The following PRKD1 variants were observed in gnomAD, a reference collection of about 807,000 sequenced individuals.
PRKD1 encodes the protein protein kinase D1.
A neutral mutation model predicts 95.9 loss-of-function variants in PRKD1; 63 were observed. The observed-to-expected ratio is 0.66, with a 90% CI of 0.54 to 0.81. PRKD1 has a LOEUF of 0.81. PRKD1 is among the 30% of genes least tolerant of loss of function. PRKD1 has a pLI of 0.00. For missense variants in PRKD1, 1,048 were observed against 1,165.3 expected (o/e 0.90, Z 1.47); for synonymous variants, 425 against 423.1 (o/e 1.00, Z -0.05).
chr14:29,829,504 C>T (rs1891321626), intron 1 of PRKD1, among the ~76,000 whole-genome samples: 1 of 152,038 alleles, frequency 6.6e-6, no homozygotes, highest in Non-Finnish European at 1.5e-5. Context: ...TGATGATGTG[C>T]TTTTTAAACC....
chr14:29,710,619 T>C (rs1885293290), intron 2 of PRKD1, among the ~76,000 whole-genome samples: 1 of 152,002 alleles, frequency 6.6e-6, no homozygotes, highest in South Asian at 2.1e-4. Flanking sequence ...CAAAATGTAA[T>C]GTGCTAGAGA....
chr14:29,731,471 T>C (rs926839874), intron 1 of PRKD1, among the ~76,000 whole-genome samples: 8 of 152,210 alleles, frequency 5.3e-5, no homozygotes, highest in Non-Finnish European at 7.3e-5. Context: ...TGATAGTTTT[T>C]CAGATTTTCT....
In PRKD1 at chr14:29,847,455, C is replaced by T. The variant is rs188562310; in HGVS notation, c.264+79794G>A. 1.3e-4 allele frequency among the ~76,000 whole-genome samples: 20 copies of T among 152,204 alleles called. No homozygotes were observed. The East Asian group carries it at 3.7e-3, about 28-fold the overall frequency. On this transcript the variant is annotated intron_variant, in intron 1 of 17. Coordinates refer to ENST00000331968, the MANE Select transcript of PRKD1 (RefSeq NM_002742.3). Reference sequence around the variant, plus strand: ...AAGAGTCTAAATTTACTTCCCTGGACATCACAAGCAGGTAGGAAAGGAAAT... The same window carrying T: ...AAGAGTCTAAATTTACTTCCCTGGATATCACAAGCAGGTAGGAAAGGAAAT...
chr14:29,770,518 A>C (rs183190448), intron 1 of PRKD1, among the ~76,000 whole-genome samples: 424 of 152,346 alleles, frequency 2.8e-3, no homozygotes, highest in Admixed American at 8.9e-3. Flanking sequence ...ATTCTGATGA[A>C]ATCTGACAGA....
intron 1 of PRKD1, among the ~76,000 whole-genome samples, chr14:29,737,183 G>C (rs35077117): frequency 6.6e-6 from 1 of 150,582 alleles, no homozygotes; most frequent in East Asian, 2.0e-4. Flanking sequence ...TTAGCCGGGC[G>C]CGGTGGCGGG....
chr14:29,676,177 G>GTTTTTTTTTTT lies in PRKD1; in HGVS notation c.404-9970_404-9969insAAAAAAAAAAA, dbSNP rs147308040. On this transcript the variant is annotated intron_variant, in intron 2 of 17. Coordinates refer to ENST00000331968, the MANE Select transcript of PRKD1 (RefSeq NM_002742.3). ...GCTGTAGGCATGCATAGTTCATTAC[G>GTTTTTTTTTTT]TTTTTGTTTTTTTTTTTTTTTTTTT... 4.7e-3 allele frequency among the ~76,000 whole-genome samples: 487 copies of GTTTTTTTTTTT among 104,504 alleles called. 29 individuals carry two copies. Among genetic ancestry groups the GTTTTTTTTTTT allele is most frequent in the South Asian group, 8.5e-3 (24 of 2,834 alleles). The allele number at this position is 104,504 out of a possible 152,430, so 68.6% of individuals were successfully genotyped here.
intron 1 of PRKD1, among the ~76,000 whole-genome samples, chr14:29,726,487 G>A (rs1329554092): frequency 6.6e-6 from 1 of 152,134 alleles, no homozygotes; most frequent in Non-Finnish European, 1.5e-5. Context: ...CAGGGAAAAA[G>A]AAAATTATCT....
intron 2 of PRKD1, among the ~76,000 whole-genome samples, chr14:29,721,127 C>T (rs1425071619): frequency 6.6e-6 from 1 of 152,178 alleles, no homozygotes; most frequent in Non-Finnish European, 1.5e-5. Flanking sequence ...TTCAGCTCTT[C>T]TGTCATAGCC....
intron 6 of PRKD1, among the ~76,000 whole-genome samples, chr14:29,637,550 T>C: frequency 6.6e-6 from 1 of 152,182 alleles, no homozygotes; most frequent in Non-Finnish European, 1.5e-5. Flanking sequence ...TTAGTTATAG[T>C]TATCCAGTAC....
At chr14:29,828,051 C>T (rs1891266655) in intron 1 of PRKD1, among the ~76,000 whole-genome samples, 1 of 152,102 alleles carries the variant, frequency 6.6e-6, no homozygotes, top group East Asian at 1.9e-4. Flanking sequence ...TCTATGTCTT[C>T]CTCTCACCCA....
chr14:29,663,289 T>C (rs1017689722), intron 4 of PRKD1, among the ~76,000 whole-genome samples: 7 of 151,716 alleles, frequency 4.6e-5, no homozygotes, highest in African/African-American at 1.5e-4. Flanking sequence ...AAGACTTTCA[T>C]GGTTTCACAA....
Position 29,859,432 on chromosome 14 carries a change from A to C in PRKD1, c.264+67817T>G, listed in dbSNP as rs908682358. ...GACCATCCTGGCTAACACGGTGAAA[A>C]CCCATCTCTACTAAAAATACAAAAA... On this transcript the variant is annotated intron_variant, in intron 1 of 17. Coordinates refer to ENST00000331968, the MANE Select transcript of PRKD1 (RefSeq NM_002742.3). Among the ~76,000 whole-genome samples the C allele has an allele frequency of 9.2e-5, 14 of 151,360 alleles. No homozygotes were observed. In the South Asian group the frequency reaches 1.3e-3, roughly 14 times the overall value.
chr14:29,739,714 G>C (rs1886899068), intron 1 of PRKD1, among the ~76,000 whole-genome samples: 2 of 152,058 alleles, frequency 1.3e-5, no homozygotes, highest in Admixed American at 6.5e-5. Flanking sequence ...CTCCTTCCTT[G>C]GGCATATAAA....
intron 1 of PRKD1, among the ~76,000 whole-genome samples, chr14:29,890,802 T>A (rs1337069291): frequency 6.6e-6 from 1 of 152,188 alleles, no homozygotes. Flanking sequence ...TGACACTGCA[T>A]ACCCTTAACA....
intron 1 of PRKD1, among the ~76,000 whole-genome samples, chr14:29,865,379 C>G (rs1325973946): frequency 6.6e-6 from 1 of 152,154 alleles, no homozygotes; most frequent in East Asian, 1.9e-4. Context: ...CTATAAAACC[C>G]ATGTTGAAAC....
intron 1 of PRKD1, among the ~76,000 whole-genome samples, chr14:29,782,032 T>C (rs1407957560): frequency 6.6e-6 from 1 of 152,200 alleles, no homozygotes; most frequent in Non-Finnish European, 1.5e-5. Context: ...GCATCTACAA[T>C]ATATGCTTTA....
chr14:29,841,758 CAATAATA>C (rs1488922791), intron 1 of PRKD1, among the ~76,000 whole-genome samples: 1 of 151,962 alleles, frequency 6.6e-6, no homozygotes, highest in Non-Finnish European at 1.5e-5. Context: ...TTTCTTTCTT[CAATAATA>C]AATTAATCTT....
intron 1 of PRKD1, among the ~76,000 whole-genome samples, chr14:29,776,638 A>C (rs1888770486): frequency 6.6e-6 from 1 of 152,360 alleles, no homozygotes; most frequent in South Asian, 2.1e-4. Flanking sequence ...GAAATATGGA[A>C]CTATGTGAAA....
At chr14:29,775,062 T>C (rs1888675019) in intron 1 of PRKD1, among the ~76,000 whole-genome samples, 1 of 152,090 alleles carries the variant, frequency 6.6e-6, no homozygotes, top group Non-Finnish European at 1.5e-5. Flanking sequence ...AGAGTTTGTA[T>C]CGAGGGTTCC....
Sources: gnomAD v4.1 joint callset for allele counts (sites outside exome capture counted in the v4.1 genomes callset) on GRCh38, gnomAD v4.1.1 for gene constraint, MANE v1.5 for transcripts, NCBI Gene and HGNC (gene_info 2026-07-23, HGNC 2026-07-21) for gene names.